The following CREB5 variants were observed in gnomAD, a reference collection of about 807,000 sequenced individuals.
The protein encoded by CREB5 is cyclic AMP-responsive element-binding protein 5.
In CREB5, 19 loss-of-function variants were observed where a neutral mutation model predicts 57.1. The ratio of observed to expected loss-of-function variants is 0.33; its 90% CI spans 0.23 to 0.49. The LOEUF (loss-of-function observed/expected upper bound fraction) is 0.49. Among genes scored for constraint, CREB5 ranks in the 20% least tolerant of loss-of-function variants. The pLI is 0.99. For missense variants in CREB5, 579 were observed against 671.6 expected, an observed-to-expected ratio of 0.86 and a Z score of 1.52; for synonymous variants, 238 against 238.3, an observed-to-expected ratio of 1.00 and a Z score of 0.01.
chr7:28,413,774 G>A (rs1787909425), intron 1 of CREB5, among the ~76,000 whole-genome samples: 1 of 152,074 alleles, frequency 6.6e-6, no homozygotes, highest in Admixed American at 6.6e-5. Flanking sequence ...CTAAATGAAT[G>A]GTAGTTTGTC....
At chr7:28,658,064 G>A (rs112317688) in intron 5 of CREB5, among the ~76,000 whole-genome samples, 30 of 152,242 alleles carry the variant, frequency 2.0e-4, no homozygotes, top group African/African-American at 5.1e-4. Flanking sequence ...CATGAGCATC[G>A]TTTATTCCAC....
intron 1 of CREB5, among the ~76,000 whole-genome samples, chr7:28,436,845 T>C (rs558181447): frequency 6.6e-6 from 1 of 152,238 alleles, no homozygotes; most frequent in East Asian, 1.9e-4. Flanking sequence ...AGTGGGATAA[T>C]GGGATGTGGG....
At chr7:28,786,632 G>A (rs1489915144) in intron 7 of CREB5, among the ~76,000 whole-genome samples, 1 of 152,158 alleles carries the variant, frequency 6.6e-6, no homozygotes, top group Non-Finnish European at 1.5e-5. Context: ...GGTGGGGATG[G>A]GAGGCAAGTC....
intron 1 of CREB5, among the ~76,000 whole-genome samples, chr7:28,331,147 T>C (rs1426261959): frequency 6.6e-6 from 1 of 152,172 alleles, no homozygotes; most frequent in Non-Finnish European, 1.5e-5. Context: ...ACATGGTTCT[T>C]AGTTTTGAGG....
chr7:28,674,051 A>G (rs939981662), intron 5 of CREB5, among the ~76,000 whole-genome samples: 23 of 152,122 alleles, frequency 1.5e-4, no homozygotes, highest in African/African-American at 5.1e-4. Context: ...AAGAGCATCC[A>G]TGGTAAAAGG....
At chr7:28,569,084 A>G (rs913550810) in intron 4 of CREB5, among the ~76,000 whole-genome samples, 4 of 151,876 alleles carry the variant, frequency 2.6e-5, no homozygotes, top group East Asian at 3.9e-4. Flanking sequence ...GTATCTTGCC[A>G]CTTATAAAGA....
At position 28,467,415 on chromosome 7, in the gene CREB5, A is replaced by G. The variant is rs9639585; in HGVS notation, c.4-20760A>G. 2.5e-3 allele frequency among the ~76,000 whole-genome samples: 379 copies of G among 152,320 alleles called. 15 individuals are homozygous for G. The East Asian group carries it at 0.068, about 28-fold the overall frequency. On this transcript the variant is annotated intron_variant, in intron 1 of 10. Coordinates refer to ENST00000357727, the MANE Select transcript of CREB5 (RefSeq NM_182898.4). Reference sequence around the variant, plus strand: ...TCCCTGCTTTTTTCTATCGTTTTGCATGCAGAGAAAGAAAAAGATGTAATA... The same window carrying G: ...TCCCTGCTTTTTTCTATCGTTTTGCGTGCAGAGAAAGAAAAAGATGTAATA...
chr7:28,357,682 C>T (rs145448671), intron 1 of CREB5, among the ~76,000 whole-genome samples: 9 of 152,300 alleles, frequency 5.9e-5, no homozygotes, highest in African/African-American at 2.2e-4. Context: ...TTAGCACATG[C>T]TCCTGGGGAA....
chr7:28,319,012 G>A (rs1435491618), intron 1 of CREB5, among the ~76,000 whole-genome samples: 2 of 152,204 alleles, frequency 1.3e-5, no homozygotes, highest in East Asian at 3.8e-4. Context: ...CCGCTTATCT[G>A]TATGTTAAAT....
At chr7:28,713,047 A>AT (rs1479775228) in intron 5 of CREB5, among the ~76,000 whole-genome samples, 25 of 152,066 alleles carry the variant, frequency 1.6e-4, no homozygotes, top group African/African-American at 5.8e-4. Context: ...ATTTTAAAAA[A>AT]TTTTTATTTA....
intron 7 of CREB5, among the ~76,000 whole-genome samples, chr7:28,780,830 C>T (rs917303705): frequency 6.6e-6 from 1 of 152,116 alleles, no homozygotes; most frequent in African/African-American, 2.4e-5. Flanking sequence ...TTTCAGCATT[C>T]AGTAACTGCA....
chr7:28,342,530 A>G (rs1289802116), intron 1 of CREB5, among the ~76,000 whole-genome samples: 1 of 152,268 alleles, frequency 6.6e-6, no homozygotes, highest in East Asian at 1.9e-4. Context: ...AATGTTCATT[A>G]TAATACAGCA....
intron 1 of CREB5, among the ~76,000 whole-genome samples, chr7:28,300,862 T>C (rs1399326645): frequency 2.0e-5 from 3 of 152,180 alleles, no homozygotes; most frequent in Non-Finnish European, 4.4e-5. Context: ...TGTCAAAGTA[T>C]GGTCCACAGA....
chr7:28,703,693 C>T (rs1023491509), intron 5 of CREB5, among the ~76,000 whole-genome samples: 4 of 152,174 alleles, frequency 2.6e-5, no homozygotes, highest in East Asian at 1.9e-4. Flanking sequence ...AGAGAGATAA[C>T]TCAACCTTCC....
chr7:28,507,142 T>C (rs756084838), intron 3 of CREB5, among the ~76,000 whole-genome samples: 8 of 152,238 alleles, frequency 5.3e-5, no homozygotes, highest in Non-Finnish European at 1.2e-4. Context: ...TTAACATGCT[T>C]GTTTGTTTCT....
intron 1 of CREB5, among the ~76,000 whole-genome samples, chr7:28,437,270 T>C (rs1431754674): frequency 1.3e-5 from 2 of 152,198 alleles, no homozygotes; most frequent in Non-Finnish European, 2.9e-5. Context: ...TTATTATCTC[T>C]GTTCTGCTGA....
intron 1 of CREB5, among the ~76,000 whole-genome samples, chr7:28,395,376 T>C (rs1787314596): frequency 1.3e-5 from 2 of 152,194 alleles, no homozygotes; most frequent in South Asian, 4.1e-4. Flanking sequence ...TGATTTACAG[T>C]AGGTGAAGAT....
At chr7:28,329,956 G>A (rs1398807220) in intron 1 of CREB5, among the ~76,000 whole-genome samples, 3 of 152,214 alleles carry the variant, frequency 2.0e-5, no homozygotes, top group Non-Finnish European at 4.4e-5. Context: ...TTTCTCTTAA[G>A]GATGGAATAA....
At chr7:28,355,126 T>G (rs140595463) in intron 1 of CREB5, among the ~76,000 whole-genome samples, 33 of 152,394 alleles carry the variant, frequency 2.2e-4, no homozygotes, top group African/African-American at 7.0e-4. Flanking sequence ...TATTTCATTT[T>G]GACTGTGTAT....
Sources: gnomAD v4.1 joint callset for allele counts (sites outside exome capture counted in the v4.1 genomes callset) on GRCh38, gnomAD v4.1.1 for gene constraint, MANE v1.5 for transcripts, NCBI Gene and HGNC (gene_info 2026-07-23, HGNC 2026-07-21) for gene names.